The following C12orf57 variants were observed in gnomAD, a reference collection of about 807,000 sequenced individuals.
C12orf57 encodes protein C10.
C12orf57 carries 14 observed loss-of-function variants against 11.3 expected under a neutral mutation model. The observed-to-expected ratio is 1.24, with a 90% CI of 0.82 to 1.94. The LOEUF (loss-of-function observed/expected upper bound fraction) is 1.94, where lower values mean the gene tolerates loss of function less well. C12orf57 is among the 30% of genes most tolerant of loss of function. The pLI, the probability that C12orf57 is intolerant of heterozygous loss-of-function variation, is 0.00. For synonymous variants in C12orf57, 100 were observed against 74.6 expected, an observed-to-expected ratio of 1.34 and a Z score of -1.76; for missense variants, 229 against 172.4, an observed-to-expected ratio of 1.33 and a Z score of -1.84.
chr12:6,945,728 C>G (rs370511855), intron 2 of C12orf57, 43 bp from the exon 3 acceptor site: 5 of 1,605,302 alleles, frequency 3.1e-6, no homozygotes, highest in Non-Finnish European at 4.3e-6. Flanking sequence ...CTTAGGCACG[C>G]TGGTCCTTAG....
intron 2 of C12orf57, 92 bp downstream of exon 2, chr12:6,944,744 C>A: frequency 6.3e-7 from 1 of 1,578,106 alleles, no homozygotes; most frequent in African/African-American, 1.3e-5. Flanking sequence ...GAGCGGTTGT[C>A]CCCTTTCTCG....
At chr12:6,945,097 C>T (rs1945768729) in intron 2 of C12orf57, 1 of 279,854 alleles carries the variant, frequency 3.6e-6, no homozygotes, top group Non-Finnish European at 6.7e-6. Flanking sequence ...TCCCCCACCC[C>T]CCACTATGAA....
chr12:6,944,534 C>A lies in C12orf57; in HGVS notation c.111C>A (p.Asp37Glu), dbSNP rs782432055. 3.1e-6 allele frequency: 5 copies of A among 1,613,988 alleles called. No individual in the cohort carries two copies. The highest frequency in any genetic ancestry group is 1.7e-5 in the Admixed American group (1 of 60,020). The change falls in exon 2 of 3, where the codon GAC becomes GAA. Residue 37 changes from aspartate (D) to glutamate (E), a missense_variant. By Grantham distance (45) the Asp-to-Glu change is conservative. Coordinates refer to ENST00000229281, the MANE Select transcript of C12orf57 (RefSeq NM_138425.4). ...CCCCGGAGAATGCAGTGCGCATGGA[C>A]GAGGCTCGGGATAACGCCTGCAACG... ...FSAPENAVRM[D>E]EARDNACNDM...
At chr12:6,944,732 A>G in intron 2 of C12orf57, 80 bp downstream of exon 2, 1 of 1,590,146 alleles carries the variant, frequency 6.3e-7, no homozygotes, top group Non-Finnish European at 8.6e-7. Flanking sequence ...CTGTGGGCCC[A>G]TGAGCGGTTG....
upstream of C12orf57, chr12:6,943,808 A>G (rs782496428): frequency 3.9e-5 from 34 of 871,230 alleles, 1 homozygote; most frequent in South Asian, 1.8e-4. Context: ...CTCCAAACAC[A>G]TACGCAGCAG....
upstream of C12orf57, chr12:6,943,881 T>G (rs191705180): frequency 4.9e-5 from 50 of 1,011,634 alleles, no homozygotes; most frequent in East Asian, 1.1e-4. Flanking sequence ...AAGCCCCTCT[T>G]ATGATGTTTG....
At chr12:6,943,866 C>G (rs139594532), upstream of C12orf57, 36 of 934,178 alleles carry the variant, frequency 3.9e-5, no homozygotes, top group Admixed American at 1.6e-4. Context: ...TGGCTTTTTA[C>G]CGGAAAGCCC....
Position 6,944,157 on chromosome 12 carries a change from C to G in C12orf57, c.36C>G (p.Ser12Arg). The G allele has an allele frequency of 6.2e-7, 1 of 1,614,226 alleles. No individual in the cohort carries two copies. The highest frequency in any genetic ancestry group is 2.2e-5 in the East Asian group (1 of 44,892). The change falls in exon 1 of 3, where the codon AGC (serine) becomes AGG (arginine). Residue 12 changes from serine to arginine, a missense_variant. Physicochemically the swap from Ser to Arg is moderately radical, Grantham distance 110. Coordinates refer to ENST00000229281, the MANE Select transcript of C12orf57 (RefSeq NM_138425.4). ...CCTCGACCCAACCGGCGGCCTTGAG[C>G]GCTGAGCAAGCAAAGGGTGAGAATC... ...ASASTQPAAL[S>R]AEQAKVVLAE...
At chr12:6,944,857 C>T in intron 2 of C12orf57, 1 of 1,425,978 alleles carries the variant, frequency 7.0e-7, no homozygotes, top group Non-Finnish European at 9.2e-7. Context: ...AGTAGAGGTT[C>T]TGTATCCCTT....
chr12:6,944,009 C>T (rs782255944), upstream of C12orf57: 66 of 1,601,276 alleles, frequency 4.1e-5, no homozygotes, highest in Middle Eastern at 1.7e-4. Flanking sequence ...TCCGGCTGCG[C>T]CGGATGCTGT....
intron 2 of C12orf57, among the ~76,000 whole-genome samples, chr12:6,945,524 T>C (rs1430293758): frequency 6.6e-6 from 1 of 152,128 alleles, no homozygotes; most frequent in Non-Finnish European, 1.5e-5. Context: ...GCTAAAATGG[T>C]TCACCTGAGA....
In C12orf57 at chr12:6,944,095, C is replaced by G. The variant is rs199968230; in HGVS notation, c.-27C>G. On this transcript the variant is annotated 5_prime_UTR_variant, in exon 1 of 3. Coordinates refer to ENST00000229281, the MANE Select transcript of C12orf57 (RefSeq NM_138425.4). The stretch of plus-strand genomic sequence containing the variant: ...TATTCGTGAGTTTTCCATTTACCTC[C>G]GCTGAACCTAGAGCTTCAGACGCCC... 2 of 1,614,136 alleles carry G rather than the reference C, an allele frequency of 1.2e-6. No individual in the cohort carries two copies. Among genetic ancestry groups the G allele is most frequent in the Non-Finnish European group, 1.7e-6 (2 of 1,179,990 alleles).
At chr12:6,945,371 G>C (rs981275945) in intron 2 of C12orf57, among the ~76,000 whole-genome samples, 33 of 152,208 alleles carry the variant, frequency 2.2e-4, no homozygotes, top group African/African-American at 7.9e-4. Flanking sequence ...TGTTTGGGGG[G>C]GGTTGGTGGT....
chr12:6,944,694 G>A, intron 2 of C12orf57, 42 bp downstream of exon 2: 1 of 1,601,606 alleles, frequency 6.2e-7, no homozygotes, highest in South Asian at 1.1e-5. Flanking sequence ...CGGGAAGGCG[G>A]GAGTTGGGTC....
At position 6,944,162 on chromosome 12, in the gene C12orf57, A is replaced by T; in HGVS notation, c.41A>T (p.Glu14Val). ...ACCCAACCGGCGGCCTTGAGCGCTGAGCAAGCAAAGGGTGAGAATCGTCCT... is the reference window on the plus strand; with the variant it reads ...ACCCAACCGGCGGCCTTGAGCGCTGTGCAAGCAAAGGGTGAGAATCGTCCT... ...ASTQPAALSA[E>V]QAKVVLAEVI... The change falls in exon 1 of 3, where the codon GAG becomes GTG. Residue 14 changes from glutamate to valine, a missense_variant. Physicochemically the swap from Glu to Val is moderately radical, Grantham distance 121 (BLOSUM62 -2). Transcript: ENST00000229281. 6.2e-7 allele frequency: 1 copy of T among 1,614,188 alleles called. No homozygotes were observed. Among genetic ancestry groups the T allele is most frequent in the Non-Finnish European group, 8.5e-7 (1 of 1,180,000 alleles).
At chr12:6,943,876 CCT>C (rs1425154533), upstream of C12orf57, 6 of 982,394 alleles carry the variant, frequency 6.1e-6, no homozygotes, top group East Asian at 1.2e-4. Context: ...CCGGAAAGCC[CCT>C]CTTATGATGT....
Position 6,944,664 on chromosome 12 carries a change from G to A in C12orf57, c.229+12G>A, listed in dbSNP as rs1555146082. ...CTGCGACGGGGAAGGTGGGTCAGAC[G>A]CGGGAAGGCGGGTCAGACGCGGGAA... On this transcript the variant is annotated intron_variant, in intron 2 of 2. Coordinates refer to ENST00000229281, the MANE Select transcript of C12orf57 (RefSeq NM_138425.4). 1 of 1,562,706 alleles carries A rather than the reference G, an allele frequency of 6.4e-7. No homozygotes were observed. Among genetic ancestry groups the A allele is most frequent in the Non-Finnish European group, 8.6e-7 (1 of 1,167,334 alleles).
At chr12:6,945,019 A>G (rs1945765650) in intron 2 of C12orf57, 1 of 475,832 alleles carries the variant, frequency 2.1e-6, no homozygotes. Flanking sequence ...GCCTGAGGGT[A>G]ATTTTATATA....
At chr12:6,943,470 C>T, upstream of C12orf57, 2 of 1,249,158 alleles carry the variant, frequency 1.6e-6, no homozygotes, top group Non-Finnish European at 2.1e-6. Flanking sequence ...GGCTCCATCG[C>T]TCATCAATAG....
Sources: allele counts gnomAD v4.1 joint callset (sites outside exome capture counted in the v4.1 genomes callset), GRCh38; gene constraint gnomAD v4.1.1; transcripts MANE v1.5; gene names NCBI Gene and HGNC (gene_info 2026-07-23, HGNC 2026-07-21).